Variants in HLCS observed in about 807,000 individuals in gnomAD.
HLCS encodes holocarboxylase synthetase.
In HLCS, 53 loss-of-function variants were observed where a neutral mutation model predicts 75.0. The ratio of observed to expected loss-of-function variants is 0.71; its 90% confidence interval spans 0.57 to 0.89. The LOEUF (loss-of-function observed/expected upper bound fraction) is 0.89. Among genes scored for constraint, HLCS ranks in the 40% least tolerant of loss-of-function variants. The pLI is 0.00. For missense variants in HLCS, 966 were observed against 1,074.0 expected (o/e 0.90, Z 1.41); for synonymous variants, 431 against 428.6 (o/e 1.01, Z -0.07).
At chr21:36,863,308 C>T (rs1317560717) in intron 6 of HLCS, among the ~76,000 whole-genome samples, 1 of 151,900 alleles carries the variant, frequency 6.6e-6, no homozygotes, top group East Asian at 1.9e-4. Context: ...ATCAGCAAGG[C>T]TTGCAGAGGA....
chr21:36,824,092 C>T (rs921077556), intron 6 of HLCS, among the ~76,000 whole-genome samples: 2 of 152,088 alleles, frequency 1.3e-5, no homozygotes, highest in African/African-American at 4.8e-5. Context: ...CCAGCCTGGC[C>T]AACATGGTGA....
In HLCS at chr21:36,962,103, A is replaced by G; in HGVS notation, c.263T>C (p.Ile88Thr). The G allele has an allele frequency of 3.9e-6, 5 of 1,289,016 alleles. No homozygotes were observed. The highest frequency in any genetic ancestry group is 1.2e-5 in the South Asian group (1 of 81,016). 79.8% of individuals were successfully genotyped at this position (1,289,016 alleles called of 1,614,324 possible). A position where few individuals can be genotyped will look rare whatever the true frequency, so the allele number is the denominator to read the frequency against. The change falls in exon 2 of 11, where the codon ATA (isoleucine) becomes ACA (threonine). Residue 88 changes from isoleucine to threonine, a missense_variant. By Grantham distance (89) the Ile-to-Thr change is moderately conservative. Coordinates refer to ENST00000674895, the MANE Select transcript of HLCS (RefSeq NM_001352514.2). Reference sequence around the variant, plus strand: ...CCAAATGCTCTCCGTCACAAATGCTATGTGTTCTGCTTCAAGTATAAAAGG... The same window carrying G: ...CCAAATGCTCTCCGTCACAAATGCTGTGTGTTCTGCTTCAAGTATAAAAGG... ...VSPFILEAEH[I>T]AFVTESIWVQ... is the part of the protein sequence containing the mutation.
chr21:36,867,416 A>G (rs914456672), intron 6 of HLCS, among the ~76,000 whole-genome samples: 3 of 152,216 alleles, frequency 2.0e-5, no homozygotes, highest in Non-Finnish European at 4.4e-5. Context: ...ACAGATCAAA[A>G]TCCAACCAAA....
chr21:36,881,983 A>G (rs1373012323), intron 6 of HLCS, among the ~76,000 whole-genome samples: 1 of 152,106 alleles, frequency 6.6e-6, no homozygotes, highest in Non-Finnish European at 1.5e-5. Flanking sequence ...AGCTTGAGCA[A>G]GAGTGAGACT....
chr21:36,928,463 G>A (rs1032530257), intron 5 of HLCS, among the ~76,000 whole-genome samples: 5 of 152,110 alleles, frequency 3.3e-5, no homozygotes, highest in South Asian at 2.1e-4. Flanking sequence ...CCAGCTACTC[G>A]GGGGGCTGAG....
At chr21:36,904,348 ATTTG>A (rs1031341058) in intron 5 of HLCS, among the ~76,000 whole-genome samples, 1 of 152,194 alleles carries the variant, frequency 6.6e-6, no homozygotes, top group Admixed American at 6.5e-5. Context: ...AATCTAAATT[ATTTG>A]TTTTTGAAAG....
chr21:36,814,598 G>C (rs948231794), intron 6 of HLCS, among the ~76,000 whole-genome samples: 2 of 152,232 alleles, frequency 1.3e-5, no homozygotes, highest in African/African-American at 4.8e-5. Context: ...CCAGGAAGTA[G>C]AGAAAAGGCA....
chr21:36,802,633 C>T (rs1024996072), intron 6 of HLCS, among the ~76,000 whole-genome samples: 8 of 152,222 alleles, frequency 5.3e-5, no homozygotes, highest in Non-Finnish European at 7.3e-5. Flanking sequence ...GCTTCATTCC[C>T]TGACCTCCGC....
intron 2 of HLCS, among the ~76,000 whole-genome samples, chr21:36,952,381 G>A (rs1207513871): frequency 2.0e-5 from 3 of 152,270 alleles, no homozygotes; most frequent in South Asian, 4.1e-4. Context: ...GGCTCTGGAC[G>A]TCTCTAGCTC....
chr21:36,817,894 C>A (rs756472325), intron 6 of HLCS, among the ~76,000 whole-genome samples: 25 of 152,202 alleles, frequency 1.6e-4, no homozygotes, highest in Non-Finnish European at 3.5e-4. Context: ...GATGTCCAAG[C>A]CGCCTACAGC....
intron 6 of HLCS, among the ~76,000 whole-genome samples, chr21:36,883,742 C>T (rs1601618038): frequency 3.9e-5 from 6 of 152,304 alleles, no homozygotes; most frequent in Non-Finnish European, 1.5e-5. Flanking sequence ...CACCCCACTC[C>T]GTGTCAGAGA....
upstream of HLCS, among the ~76,000 whole-genome samples, chr21:36,971,233 T>G (rs573067592): frequency 6.6e-6 from 1 of 152,332 alleles, no homozygotes; most frequent in East Asian, 1.9e-4. Context: ...AAAATAATTA[T>G]CTTTCCTAGC....
chr21:36,765,102 C>T lies in HLCS; in HGVS notation c.2031G>A (p.Leu677=). Residue 677 remains leucine (L), a synonymous_variant, in exon 8 of 11, where the codon CTG becomes CTA. Transcript: ENST00000674895. The stretch of plus-strand genomic sequence containing the variant: ...GGATCCTCTGTCCCAGCTGGGATCT[C>T]AGTGGAATGGAGATGAGCAGAGTAG... ...ALSTLLISIP[L]RSQLGQRIPF... is the part of the protein sequence containing the mutation. 6.2e-7 allele frequency: 1 copy of T among 1,614,164 alleles called. No homozygotes were observed. The highest frequency in any genetic ancestry group is 8.5e-7 in the Non-Finnish European group (1 of 1,180,006).
At chr21:36,833,593 T>TTATA (rs56412653) in intron 6 of HLCS, among the ~76,000 whole-genome samples, 3,792 of 139,942 alleles carry the variant, frequency 0.027, 148 homozygotes, top group African/African-American at 0.089. Context: ...TAAAAAAAAA[T>TTATA]TATATATATA....
chr21:36,948,414 A>C (rs1211747007), intron 2 of HLCS: 1 of 151,796 alleles, frequency 6.6e-6, no homozygotes, highest in Non-Finnish European at 1.5e-5. Context: ...GAGCTACAAA[A>C]TTGACTTTCA....
In HLCS at chr21:36,764,999, G is replaced by A; in HGVS notation, c.2121+13C>T. On this transcript the variant is annotated intron_variant, in intron 8 of 10. Coordinates refer to ENST00000674895, the MANE Select transcript of HLCS (RefSeq NM_001352514.2). ...CATCCCAGGGACATAGAAGGAGACT[G>A]AACTGTACCTACCTGATACTCGGGA... 3.1e-6 allele frequency: 5 copies of A among 1,613,886 alleles called. No homozygotes were observed. Among genetic ancestry groups the A allele is most frequent in the Non-Finnish European group, 4.2e-6 (5 of 1,179,782 alleles).
chr21:36,922,382 T>C (rs2066209193), intron 5 of HLCS, among the ~76,000 whole-genome samples: 1 of 152,118 alleles, frequency 6.6e-6, no homozygotes. Context: ...CTAAAAACAT[T>C]TTAAGAAAGA....
At chr21:36,924,719 G>A (rs1247936214) in intron 5 of HLCS, among the ~76,000 whole-genome samples, 8 of 152,162 alleles carry the variant, frequency 5.3e-5, no homozygotes, top group Non-Finnish European at 1.0e-4. Context: ...AAAAAGCTTG[G>A]TTAACTAGAA....
At chr21:36,857,748 T>C (rs541405221) in intron 6 of HLCS, among the ~76,000 whole-genome samples, 3 of 152,246 alleles carry the variant, frequency 2.0e-5, no homozygotes, top group Middle Eastern at 3.4e-3. Flanking sequence ...GCCCAGTTTT[T>C]AGCTGGCCAT....
Sources: allele counts gnomAD v4.1 joint callset (sites outside exome capture counted in the v4.1 genomes callset), GRCh38; gene constraint gnomAD v4.1.1; transcripts MANE v1.5; gene names NCBI Gene and HGNC (gene_info 2026-07-23, HGNC 2026-07-21).